The following TET3 variants were observed in gnomAD, a reference collection of about 807,000 sequenced individuals.
TET3 encodes the protein methylcytosine dioxygenase TET3.
A neutral mutation model predicts 141.4 loss-of-function variants in TET3; 19 were observed. That is an observed-to-expected ratio of 0.13 (90% CI 0.09 to 0.20). The LOEUF (loss-of-function observed/expected upper bound fraction) is 0.20. TET3 is among the 10% of genes least tolerant of loss of function. TET3 has a pLI of 1.00. For synonymous variants in TET3, 1,043 were observed against 980.9 expected (o/e 1.06, Z -1.18); for missense variants, 1,874 against 2,356.9 (o/e 0.80, Z 4.24).
rs150763542 is a variant in TET3 at position 73,990,994 on chromosome 2, A to G, written c.303+4288A>G. Among the ~76,000 whole-genome samples the G allele has an allele frequency of 2.4e-3, 369 of 152,158 alleles. 2 individuals carry two copies. Among genetic ancestry groups the G allele is most frequent in the Middle Eastern group, 6.8e-3 (2 of 294 alleles). On this transcript the variant is annotated intron_variant, in intron 2 of 11. Transcript: ENST00000409262. ...GGAGGAGTGTTTGTATTTTTAGTAG[A>G]GATGGGGTTTCACCATGTTGGCCAG...
At chr2:74,062,944 C>A (rs1046108977) in intron 4 of TET3, among the ~76,000 whole-genome samples, 24 of 139,168 alleles carry the variant, frequency 1.7e-4, no homozygotes, top group Non-Finnish European at 3.2e-4. Context: ...AGTGCAGTGG[C>A]GCGATCTCGT....
At chr2:74,088,156 G>T in intron 7 of TET3, 118 bp downstream of exon 7, 1 of 1,036,864 alleles carries the variant, frequency 9.6e-7, no homozygotes, top group Non-Finnish European at 1.4e-6. Context: ...GGCACTGTTT[G>T]TCCTGCACAG....
At chr2:74,116,057 C>T in the TET3 span, among the ~76,000 whole-genome samples, 5 of 148,388 alleles carry the variant, frequency 3.4e-5, no homozygotes, top group African/African-American at 1.2e-4. Context: ...GGGAATAATC[C>T]GAACAGACAT....
At position 74,058,654 on chromosome 2, in the gene TET3, T is replaced by C. The variant is rs368288857; in HGVS notation, c.2494+10243T>C. Among the ~76,000 whole-genome samples the C allele has an allele frequency of 5.3e-5, 8 of 152,126 alleles. No individual in the cohort carries two copies. In the South Asian group the frequency reaches 6.2e-4, roughly 12 times the overall value. On this transcript the variant is annotated intron_variant, in intron 4 of 11. Coordinates refer to ENST00000409262, the MANE Select transcript of TET3 (RefSeq NM_001287491.2). ...ATTGAAATACACATACAGGAAGATATGTAAATCACAAGTGTACAGCTCAAT... is the reference window on the plus strand; with the variant it reads ...ATTGAAATACACATACAGGAAGATACGTAAATCACAAGTGTACAGCTCAAT...
chr2:74,004,210 G>GC (rs910913519), intron 3 of TET3, among the ~76,000 whole-genome samples: 17 of 152,150 alleles, frequency 1.1e-4, no homozygotes, highest in African/African-American at 4.1e-4. Flanking sequence ...CAGCCCACCT[G>GC]CCCCCTCAGC....
rs117147126 is a variant in TET3, at chr2:74,008,389, C to G, written c.360+5223C>G. On this transcript the variant is annotated intron_variant, in intron 3 of 11. Transcript: ENST00000409262. ...GTACTGTGTGTGTGTGAATTGCATG[C>G]CTTGGAGGAAGAGAACAGTTGGGGA... 1.5e-3 allele frequency among the ~76,000 whole-genome samples: 224 copies of G among 152,262 alleles called. 5 individuals are homozygous for G. In the East Asian group the frequency reaches 0.031, roughly 21 times the overall value.
chr2:74,100,348 G>A (rs889027701), intron 11 of TET3, 45 bp from the exon 12 acceptor site: 11 of 1,539,120 alleles, frequency 7.1e-6, no homozygotes, highest in African/African-American at 1.4e-5. Context: ...TCTCCAGGCT[G>A]TGGTGTTGTC....
chr2:74,049,240 A>G (rs566207819), intron 4 of TET3, among the ~76,000 whole-genome samples: 1 of 152,202 alleles, frequency 6.6e-6, no homozygotes, highest in Non-Finnish European at 1.5e-5. Flanking sequence ...TTGGGAGGAC[A>G]GGAAGTGAGT....
At chr2:74,116,078 A>T in the TET3 span, among the ~76,000 whole-genome samples, 1 of 152,094 alleles carries the variant, frequency 6.6e-6, no homozygotes, top group Non-Finnish European at 1.5e-5. Flanking sequence ...TTCTCAAAAG[A>T]AGACATACAA....
rs113584570 is a variant in TET3, at chr2:74,047,066, C to G, written c.1149C>G (p.Pro383=). ...PSHSTPQASC[P]LPEALSPPAP... The stretch of plus-strand genomic sequence containing the variant: ...ATTCCACCCCCCAGGCTTCTTGCCC[C>G]CTTCCTGAGGCCTTGTCACCTCCTG... The change falls in exon 4 of 12, where the codon CCC becomes CCG. Residue 383 remains proline, a synonymous_variant. Coordinates refer to ENST00000409262, the MANE Select transcript of TET3 (RefSeq NM_001287491.2). 11 of 1,614,008 alleles carry G rather than the reference C, an allele frequency of 6.8e-6. No individual in the cohort carries two copies. The highest frequency in any genetic ancestry group is 4.5e-5 in the East Asian group (2 of 44,870).
intron 4 of TET3, among the ~76,000 whole-genome samples, chr2:74,073,027 T>A (rs976793069): frequency 3.3e-5 from 5 of 152,254 alleles, no homozygotes; most frequent in Non-Finnish European, 4.4e-5. Flanking sequence ...CACCTTTTAG[T>A]TGTGGTGAAT....
intron 7 of TET3, among the ~76,000 whole-genome samples, chr2:74,088,605 C>A (rs920652017): frequency 1.3e-5 from 2 of 152,180 alleles, no homozygotes; most frequent in Non-Finnish European, 1.5e-5. Flanking sequence ...TGCACCACTG[C>A]ACTCCAGCCT....
At chr2:73,985,758 C>T (rs576225157) in intron 1 of TET3, among the ~76,000 whole-genome samples, 198 of 152,132 alleles carry the variant, frequency 1.3e-3, no homozygotes, top group Middle Eastern at 6.8e-3. Flanking sequence ...ACCTTGATCA[C>T]CCCCTTGAAT....
chr2:74,126,041 T>G, the TET3 span, among the ~76,000 whole-genome samples: 2 of 152,346 alleles, frequency 1.3e-5, no homozygotes, highest in East Asian at 3.9e-4. Context: ...TTCTCACCCT[T>G]TTTGAGTACA....
chr2:74,004,009 G>C (rs924671958), intron 3 of TET3, among the ~76,000 whole-genome samples: 6 of 152,158 alleles, frequency 3.9e-5, no homozygotes, highest in Non-Finnish European at 8.8e-5. Context: ...AGGAGCCACT[G>C]TGAGTTTGGG....
chr2:74,101,268 C>T lies in TET3; in HGVS notation c.4480C>T (p.Pro1494Ser). 1 of 1,612,574 alleles carries T rather than the reference C, an allele frequency of 6.2e-7. No homozygotes were observed. Among genetic ancestry groups the T allele is most frequent in the East Asian group, 2.2e-5 (1 of 44,834 alleles). The change falls in exon 12 of 12, where the codon CCC becomes TCC. Residue 1494 changes from proline (P) to serine (S), a missense_variant. Pro to Ser is a moderately conservative substitution (Grantham distance 74). This residue lies in a region of TET3 where 602 missense variants were observed against 590.2 expected (regional missense o/e 1.02). Transcript: ENST00000409262. This position sits in a 1 kb window ranked among gnomAD's most constrained non-coding sequence, Gnocchi z 8.5. ...HFTDGQWGLFPGEGQQAASHS... is the reference protein window; with the variant it reads ...HFTDGQWGLFSGEGQQAASHS... Reference sequence around the variant, plus strand: ...CACAGATGGCCAGTGGGGGCTGTTCCCCGGTGAGGGGCAGCAGGCAGCTTC... The same window carrying T: ...CACAGATGGCCAGTGGGGGCTGTTCTCCGGTGAGGGGCAGCAGGCAGCTTC...
chr2:73,998,279 C>T (rs1240712184), intron 2 of TET3: 1 of 152,208 alleles, frequency 6.6e-6, no homozygotes, highest in African/African-American at 2.4e-5. Context: ...TTTGATGGTT[C>T]AAGGCTGTTG....
At chr2:74,010,549 A>G (rs72905252) in intron 3 of TET3, among the ~76,000 whole-genome samples, 3,453 of 152,326 alleles carry the variant, frequency 0.023, 138 homozygotes, top group African/African-American at 0.079. Flanking sequence ...TCATCTGAGT[A>G]GATTTCAGAA....
At chr2:74,095,919 G>T (rs570401605) in intron 10 of TET3, among the ~76,000 whole-genome samples, 4 of 152,334 alleles carry the variant, frequency 2.6e-5, no homozygotes, top group South Asian at 4.1e-4. Flanking sequence ...ACTGGATTTT[G>T]TCAGTCTCTT....
Sources: gnomAD v4.1 joint callset for allele counts (sites outside exome capture counted in the v4.1 genomes callset) on GRCh38, gnomAD v4.1.1 for gene constraint, gnomAD v4.1.1 regional missense constraint, Gnocchi (gnomAD v3.1) non-coding constraint, MANE v1.5 for transcripts, NCBI Gene and HGNC (gene_info 2026-07-23, HGNC 2026-07-21) for gene names.